The following ZBTB7C variants were observed in gnomAD, a reference collection of about 807,000 sequenced individuals.
The protein encoded by ZBTB7C is zinc finger and BTB domain-containing protein 7C.
A neutral mutation model predicts 25.7 loss-of-function variants in ZBTB7C; 8 were observed. That is an observed-to-expected ratio of 0.31 (90% CI 0.18 to 0.56). The LOEUF (loss-of-function observed/expected upper bound fraction) is 0.56, where lower values mean the gene tolerates loss of function less well. ZBTB7C is among the 20% of genes least tolerant of loss of function. ZBTB7C has a pLI of 0.91. For synonymous variants in ZBTB7C, 394 were observed against 369.0 expected (o/e 1.07, Z -0.78); for missense variants, 824 against 855.2 (o/e 0.96, Z 0.46).
At chr18:48,152,537 T>C (rs1286590436) in intron 3 of ZBTB7C, among the ~76,000 whole-genome samples, 1 of 152,220 alleles carries the variant, frequency 6.6e-6, no homozygotes, top group Non-Finnish European at 1.5e-5. Context: ...CAAATAGGTA[T>C]CATAAAGAAT....
At chr18:48,138,962 G>T (rs1568249362) in intron 3 of ZBTB7C, among the ~76,000 whole-genome samples, 1 of 152,188 alleles carries the variant, frequency 6.6e-6, no homozygotes, top group African/African-American at 2.4e-5. Context: ...CAACCTCGGA[G>T]CCTCTCTTCT....
intron 1 of ZBTB7C, among the ~76,000 whole-genome samples, chr18:48,347,732 C>T (rs1460166104): frequency 1.3e-5 from 2 of 152,140 alleles, no homozygotes; most frequent in Non-Finnish European, 2.9e-5. Flanking sequence ...AGCAAAGAGC[C>T]TGGAGGTTGT....
At chr18:48,157,682 A>G (rs2040878568) in intron 3 of ZBTB7C, among the ~76,000 whole-genome samples, 1 of 152,170 alleles carries the variant, frequency 6.6e-6, no homozygotes, top group Non-Finnish European at 1.5e-5. Context: ...ACGTGAGGCA[A>G]ATGCTTTAGT....
chr18:48,167,563 G>GGTGTGTGTGTGTGTGTTTGTGTGTGTGT (rs1555705393), intron 3 of ZBTB7C, among the ~76,000 whole-genome samples: 136 of 142,574 alleles, frequency 9.5e-4, no homozygotes, highest in Non-Finnish European at 1.3e-3. Flanking sequence ...GCATTGCTAG[G>GGTGTGTGTGTGTGTGTTTGTGTGTGTGT]GTGTGTGTGT....
At chr18:48,226,986 C>T (rs1210882164) in intron 2 of ZBTB7C, among the ~76,000 whole-genome samples, 1 of 142,426 alleles carries the variant, frequency 7.0e-6, no homozygotes, top group Non-Finnish European at 1.5e-5. Flanking sequence ...CACCACTGCA[C>T]TCCAGCCTGG....
chr18:48,115,568 A>C (rs544790485), intron 3 of ZBTB7C, among the ~76,000 whole-genome samples: 2 of 151,110 alleles, frequency 1.3e-5, no homozygotes, highest in South Asian at 2.1e-4. Flanking sequence ...CACACACACA[A>C]ACACACACAC....
At chr18:48,338,094 T>C (rs2046497742) in intron 2 of ZBTB7C, 80 bp downstream of exon 2, 1 of 152,212 alleles carries the variant, frequency 6.6e-6, no homozygotes. Context: ...CAGGTTGACA[T>C]TTTATGCTTA....
At chr18:48,345,571 A>C (rs2046710055) in intron 1 of ZBTB7C, among the ~76,000 whole-genome samples, 1 of 149,426 alleles carries the variant, frequency 6.7e-6, no homozygotes, top group Non-Finnish European at 1.5e-5. Context: ...CCTCCATCCC[A>C]CTCTGTCTCT....
chr18:48,278,488 T>C (rs902257464), intron 2 of ZBTB7C, among the ~76,000 whole-genome samples: 2 of 151,996 alleles, frequency 1.3e-5, no homozygotes, highest in African/African-American at 4.8e-5. Flanking sequence ...CAGGCTGGAA[T>C]GCAATGGTGC....
At chr18:48,091,522 C>T (rs879660651) in intron 3 of ZBTB7C, among the ~76,000 whole-genome samples, 3 of 152,178 alleles carry the variant, frequency 2.0e-5, no homozygotes, top group Non-Finnish European at 4.4e-5. Flanking sequence ...TTGATATCTA[C>T]AGGCAGCTCA....
chr18:48,029,604 C>T lies in ZBTB7C; in HGVS notation c.1516G>A (p.Val506Met), dbSNP rs764435538. 6.7e-6 allele frequency: 10 copies of T among 1,486,792 alleles called. No homozygotes were observed. The highest frequency in any genetic ancestry group is 8.9e-6 in the Non-Finnish European group (10 of 1,129,716). The allele number at this position is 1,486,792 out of a possible 1,614,324, so 92.1% of individuals were successfully genotyped here. A position where few individuals can be genotyped will look rare whatever the true frequency, so the allele number is the denominator to read the frequency against. Residue 506 changes from valine (V) to methionine (M), a missense_variant, in exon 5 of 5, where the codon GTG becomes ATG. Physicochemically the swap from Val to Met is conservative, Grantham distance 21. Coordinates refer to ENST00000590800, the MANE Select transcript of ZBTB7C (RefSeq NM_001318841.2). ...ACCTCGCCCAGCGCAGGGGGCATCA[C>T]GAAGGCCGCCTTGTCGGGGGCCGGG... Reference protein sequence around the residue: ...GGPAPDKAAFVMPPALGEVGG... With the variant: ...GGPAPDKAAFMMPPALGEVGG...
At chr18:48,232,553 T>A (rs918213993) in intron 2 of ZBTB7C, among the ~76,000 whole-genome samples, 1 of 152,136 alleles carries the variant, frequency 6.6e-6, no homozygotes, top group African/African-American at 2.4e-5. Flanking sequence ...AACAGAAGAA[T>A]CATCAGCTAA....
intron 3 of ZBTB7C, among the ~76,000 whole-genome samples, chr18:48,066,269 T>G (rs1398767221): frequency 6.6e-6 from 1 of 152,162 alleles, no homozygotes; most frequent in African/African-American, 2.4e-5. Context: ...GCCAGACTCT[T>G]TGGAACACAA....
intron 3 of ZBTB7C, among the ~76,000 whole-genome samples, chr18:48,080,873 T>C (rs1194251103): frequency 6.6e-6 from 1 of 152,206 alleles, no homozygotes; most frequent in Non-Finnish European, 1.5e-5. Flanking sequence ...CCTCTGCCCC[T>C]GCCACTGTAG....
At chr18:48,213,528 G>A (rs2042751423) in intron 2 of ZBTB7C, among the ~76,000 whole-genome samples, 1 of 152,188 alleles carries the variant, frequency 6.6e-6, no homozygotes, top group African/African-American at 2.4e-5. Context: ...CATGATAACA[G>A]ATCTGTGTTA....
chr18:48,179,945 CCTTCCCTGCTTCCTTCCTTG>C (rs2041854599), intron 3 of ZBTB7C, among the ~76,000 whole-genome samples: 2 of 36,800 alleles, frequency 5.4e-5, no homozygotes, highest in African/African-American at 2.5e-4. Context: ...TTCCTTCCTT[CCTTCCCTGCTTCCTTCCTTG>C]CTTCCTTCCT....
chr18:48,236,218 T>A (rs2145371084), intron 2 of ZBTB7C, among the ~76,000 whole-genome samples: 1 of 152,358 alleles, frequency 6.6e-6, no homozygotes, highest in South Asian at 2.1e-4. Context: ...ATACTTCTCA[T>A]CTAACTCTGA....
intron 1 of ZBTB7C, among the ~76,000 whole-genome samples, chr18:48,348,377 C>G (rs910018245): frequency 3.3e-5 from 5 of 152,204 alleles, no homozygotes; most frequent in South Asian, 4.1e-4. Context: ...AAAGGCAGAG[C>G]CTGGATACAA....
In ZBTB7C at chr18:48,229,373, C is replaced by A. The variant is rs2043191022; in HGVS notation, c.-78-43378G>T. On this transcript the variant is annotated intron_variant, in intron 2 of 4. Coordinates refer to ENST00000590800, the MANE Select transcript of ZBTB7C (RefSeq NM_001318841.2). Reference sequence around the variant, plus strand: ...CATTTTCCAATTTACTGTACAATATCTTGTAAAGTGCCCTTTAAAAAAAAT... The same window carrying A: ...CATTTTCCAATTTACTGTACAATATATTGTAAAGTGCCCTTTAAAAAAAAT... Among the ~76,000 whole-genome samples, 2 of 152,232 alleles carry A rather than the reference C, an allele frequency of 1.3e-5. 1 individual carries two copies. The highest frequency in any genetic ancestry group is 4.1e-4 in the South Asian group (2 of 4,830).
Sources: gnomAD v4.1 joint callset for allele counts (sites outside exome capture counted in the v4.1 genomes callset) on GRCh38, gnomAD v4.1.1 for gene constraint, MANE v1.5 for transcripts, NCBI Gene and HGNC (gene_info 2026-07-23, HGNC 2026-07-21) for gene names.